Variants in ASTN2 observed in about 807,000 individuals in gnomAD.
ASTN2 encodes the protein astrotactin 2, also known as astrotactin-2.
ASTN2 carries 54 observed loss-of-function variants against 139.8 expected under a neutral mutation model. That is an observed-to-expected ratio of 0.39 (90% CI 0.31 to 0.48). The LOEUF (loss-of-function observed/expected upper bound fraction) is 0.48. Among genes scored for constraint, ASTN2 ranks in the 20% least tolerant of loss-of-function variants. ASTN2 has a pLI of 0.95. For missense variants in ASTN2, 1,565 were observed against 1,725.1 expected, an observed-to-expected ratio of 0.91 and a Z score of 1.64; for synonymous variants, 756 against 719.5, an observed-to-expected ratio of 1.05 and a Z score of -0.81.
chr9:116,554,175 T>C (rs1852484610), intron 19 of ASTN2, among the ~76,000 whole-genome samples: 1 of 152,228 alleles, frequency 6.6e-6, no homozygotes, highest in Admixed American at 6.5e-5. Flanking sequence ...GATAGAATGC[T>C]GAATATGTAT....
chr9:117,064,665 G>A (rs771701571), intron 5 of ASTN2, among the ~76,000 whole-genome samples: 28 of 152,110 alleles, frequency 1.8e-4, no homozygotes, highest in South Asian at 6.2e-4. Flanking sequence ...TAGGAGGGTC[G>A]GGGGGAAGGG....
intron 19 of ASTN2, among the ~76,000 whole-genome samples, chr9:116,551,827 C>G (rs1451086291): frequency 1.3e-5 from 2 of 152,154 alleles, no homozygotes; most frequent in East Asian, 3.9e-4. Context: ...GGTAAGAAAT[C>G]AAGCTGGAGA....
chr9:116,551,546 T>C (rs760764336), intron 19 of ASTN2, among the ~76,000 whole-genome samples: 3 of 152,206 alleles, frequency 2.0e-5, no homozygotes, highest in Non-Finnish European at 4.4e-5. Flanking sequence ...GTATTTCCTT[T>C]CCTCTGGAAT....
chr9:117,243,059 C>T (rs1209054549), intron 2 of ASTN2, among the ~76,000 whole-genome samples: 1 of 152,136 alleles, frequency 6.6e-6, no homozygotes, highest in Non-Finnish European at 1.5e-5. Context: ...TTTGCATTTG[C>T]ATAGATAATT....
chr9:116,957,855 A>T (rs1203810195), intron 10 of ASTN2, among the ~76,000 whole-genome samples: 1 of 151,690 alleles, frequency 6.6e-6, no homozygotes, highest in Non-Finnish European at 1.5e-5. Flanking sequence ...TCATTTTTGT[A>T]TTTTTCACTG....
chr9:116,666,263 C>A (rs766983363), intron 16 of ASTN2, among the ~76,000 whole-genome samples: 11 of 152,192 alleles, frequency 7.2e-5, no homozygotes, highest in Admixed American at 1.3e-4. Flanking sequence ...ATGTACATGG[C>A]ACTGCCTGAG....
At chr9:116,577,594 G>A (rs1472328483) in intron 19 of ASTN2, among the ~76,000 whole-genome samples, 1 of 152,104 alleles carries the variant, frequency 6.6e-6, no homozygotes, top group African/African-American at 2.4e-5. Context: ...GATGAGCACT[G>A]GGTCTATGAA....
At chr9:117,377,443 GATGGACAGC>G (rs1373225743) in intron 1 of ASTN2, among the ~76,000 whole-genome samples, 1 of 152,204 alleles carries the variant, frequency 6.6e-6, no homozygotes, top group Non-Finnish European at 1.5e-5. Flanking sequence ...TTTGACTGGT[GATGGACAGC>G]ATCCTGAACC....
At chr9:117,343,161 C>A (rs1587965428) in intron 1 of ASTN2, among the ~76,000 whole-genome samples, 1 of 152,302 alleles carries the variant, frequency 6.6e-6, no homozygotes, top group South Asian at 2.1e-4. Flanking sequence ...AGAAACTATT[C>A]CTTGCCTTTT....
At chr9:117,118,554 T>G (rs1829462070) in intron 4 of ASTN2, among the ~76,000 whole-genome samples, 1 of 152,170 alleles carries the variant, frequency 6.6e-6, no homozygotes, top group Non-Finnish European at 1.5e-5. Flanking sequence ...CCAATGCCTA[T>G]TCCATGCACA....
intron 3 of ASTN2, among the ~76,000 whole-genome samples, chr9:117,147,423 G>A (rs1241016766): frequency 1.5e-5 from 2 of 136,244 alleles, no homozygotes; most frequent in African/African-American, 5.5e-5. Flanking sequence ...GTGAAAGAGT[G>A]AGACTCTGAC....
intron 17 of ASTN2, among the ~76,000 whole-genome samples, chr9:116,634,938 AAG>A (rs1313372998): frequency 6.6e-6 from 1 of 151,650 alleles, no homozygotes; most frequent in Non-Finnish European, 1.5e-5. Context: ...GGGGGAGAAA[AAG>A]AGAGAGAAGT....
chr9:117,398,494 T>C (rs191592406), intron 1 of ASTN2, among the ~76,000 whole-genome samples: 30 of 152,328 alleles, frequency 2.0e-4, no homozygotes, highest in African/African-American at 7.0e-4. Flanking sequence ...CCCTGATCTA[T>C]CATGGAGGCC....
Position 116,900,917 on chromosome 9 carries a change from C to T in ASTN2, c.1890-37184G>A, listed in dbSNP as rs138384591. Among the ~76,000 whole-genome samples the T allele has an allele frequency of 3.9e-4, 59 of 152,212 alleles. No individual in the cohort carries two copies. In the East Asian group the frequency reaches 0.011, roughly 28 times the overall value. On this transcript the variant is annotated intron_variant, in intron 10 of 22. Transcript: ENST00000313400. ...CCATAAGCTTCTCCCGGCTTGCCAG[C>T]GGGTAAAACGTTTTACCATATCCAA...
chr9:116,931,575 T>C (rs1023794524), intron 10 of ASTN2, among the ~76,000 whole-genome samples: 3 of 152,206 alleles, frequency 2.0e-5, no homozygotes, highest in African/African-American at 7.2e-5. Flanking sequence ...GGCCACTTTG[T>C]TAACTGCACA....
intron 1 of ASTN2, among the ~76,000 whole-genome samples, chr9:117,315,465 A>C (rs904960693): frequency 1.3e-5 from 2 of 152,194 alleles, no homozygotes; most frequent in African/African-American, 4.8e-5. Flanking sequence ...AGGTAATCCA[A>C]CTAGGCTTCT....
At chr9:116,454,267 T>C (rs865827589) in intron 20 of ASTN2, among the ~76,000 whole-genome samples, 21 of 152,294 alleles carry the variant, frequency 1.4e-4, no homozygotes, top group African/African-American at 4.8e-5. Context: ...AAAAAGACTA[T>C]ACCCTATGAC....
At chr9:116,907,687 T>C (rs1311988652) in intron 10 of ASTN2, among the ~76,000 whole-genome samples, 3 of 152,206 alleles carry the variant, frequency 2.0e-5, no homozygotes, top group Non-Finnish European at 2.9e-5. Flanking sequence ...AAAGGGGCTA[T>C]GTAAGAGCAA....
intron 16 of ASTN2, chr9:116,686,558 G>A: frequency 1.2e-6 from 1 of 844,236 alleles, no homozygotes; most frequent in Non-Finnish European, 1.9e-6. Flanking sequence ...TGGCCAGCCA[G>A]TCCTGTATCA....
Sources: gnomAD v4.1 joint callset for allele counts (sites outside exome capture counted in the v4.1 genomes callset) on GRCh38, gnomAD v4.1.1 for gene constraint, MANE v1.5 for transcripts, NCBI Gene and HGNC (gene_info 2026-07-23, HGNC 2026-07-21) for gene names.